SCCPDH: variants seen among roughly 807,000 people sequenced by gnomAD.
The protein encoded by SCCPDH is saccharopine dehydrogenase-like oxidoreductase.
Under a neutral mutation model 51.5 loss-of-function variants are expected in SCCPDH, and 34 were observed. The ratio of observed to expected loss-of-function variants is 0.66; its 90% CI spans 0.50 to 0.88. The LOEUF is 0.88. Among genes scored for constraint, SCCPDH ranks in the 40% least tolerant of loss-of-function variants. SCCPDH has a pLI of 0.00. For missense variants in SCCPDH, 464 were observed against 527.1 expected, an observed-to-expected ratio of 0.88 and a Z score of 1.17; for synonymous variants, 187 against 191.3, an observed-to-expected ratio of 0.98 and a Z score of 0.19.
chr1:246,743,837 G>A (rs181050129), intron 4 of SCCPDH, among the ~76,000 whole-genome samples: 51 of 152,244 alleles, frequency 3.3e-4, no homozygotes, highest in African/African-American at 1.2e-3. Context: ...CCAATCCTTA[G>A]ACCTAATAGA....
chr1:246,740,708 T>C (rs979477245), intron 4 of SCCPDH, among the ~76,000 whole-genome samples: 1 of 152,220 alleles, frequency 6.6e-6, no homozygotes, highest in Admixed American at 6.5e-5. Flanking sequence ...GAGACACTTA[T>C]TTAAGAATGG....
chr1:246,746,593 CACTT>C (rs879694157), intron 5 of SCCPDH, among the ~76,000 whole-genome samples: 8 of 152,170 alleles, frequency 5.3e-5, no homozygotes, highest in Non-Finnish European at 1.2e-4. Flanking sequence ...GTAATCCCAG[CACTT>C]TGGGAGGCTG....
rs1323553311 is a variant in SCCPDH at position 246,758,376 on chromosome 1, A to G, written c.695+20A>G. 2.9e-5 allele frequency: 45 copies of G among 1,575,068 alleles called. No homozygotes were observed. Among genetic ancestry groups the G allele is most frequent in the Non-Finnish European group, 3.8e-5 (44 of 1,155,636 alleles). On this transcript the variant is annotated intron_variant, in intron 6 of 11. Transcript: ENST00000366510. ...GAGAAGGTAAATTAACTTAAAATCC[A>G]TTTTTTATATATCTAGTCTAAGTAT...
At chr1:246,730,012 C>G (rs1668468706) in intron 2 of SCCPDH, among the ~76,000 whole-genome samples, 1 of 152,124 alleles carries the variant, frequency 6.6e-6, no homozygotes, top group Non-Finnish European at 1.5e-5. Flanking sequence ...TTTCAATCAG[C>G]ATTTAAATAT....
At chr1:246,732,018 C>T (rs1005418971) in intron 2 of SCCPDH, among the ~76,000 whole-genome samples, 5 of 152,138 alleles carry the variant, frequency 3.3e-5, no homozygotes, top group African/African-American at 1.2e-4. Flanking sequence ...CCAGCTTCAT[C>T]CATGTCCCTG....
chr1:246,730,769 A>G (rs1668480211), intron 2 of SCCPDH, among the ~76,000 whole-genome samples: 1 of 152,186 alleles, frequency 6.6e-6, no homozygotes, highest in African/African-American at 2.4e-5. Flanking sequence ...AGAAGATGGA[A>G]CTTTGAGGGC....
In SCCPDH at chr1:246,724,414, G is replaced by C. The variant is rs376962041; in HGVS notation, c.-9G>C. 3.9e-6 allele frequency: 6 copies of C among 1,557,734 alleles called. No homozygotes were observed. In the African/African-American group the frequency reaches 8.5e-5, roughly 22 times the overall value. On this transcript the variant is annotated 5_prime_UTR_variant, in exon 1 of 12. Transcript: ENST00000366510. ...CCGCCCCGGGGCCTGGGCTCGCTGT[G>C]GACTCGTCATGGCGACCGAGCAGAG...
intron 4 of SCCPDH, 100 bp from the exon 5 acceptor site, chr1:246,743,976 A>G: frequency 1.5e-6 from 1 of 685,894 alleles, no homozygotes; most frequent in Non-Finnish European, 2.5e-6. Context: ...AGGCTTAGAA[A>G]AGCTAGTCCC....
At chr1:246,735,920 A>G (rs2102982014) in intron 2 of SCCPDH, 55 bp from the exon 3 acceptor site, 1 of 1,127,012 alleles carries the variant, frequency 8.9e-7, no homozygotes, top group South Asian at 1.3e-5. Flanking sequence ...ATGGCATTTT[A>G]TTCATTTAAA....
intron 5 of SCCPDH, among the ~76,000 whole-genome samples, chr1:246,753,186 G>A (rs566969847): frequency 2.0e-4 from 30 of 151,964 alleles, no homozygotes; most frequent in African/African-American, 6.8e-4. Flanking sequence ...CTGGAGAGTG[G>A]GGGTCTAGGT....
At chr1:246,751,599 A>G (rs1194686504) in intron 5 of SCCPDH, among the ~76,000 whole-genome samples, 3 of 152,178 alleles carry the variant, frequency 2.0e-5, no homozygotes, top group Non-Finnish European at 2.9e-5. Flanking sequence ...TTACTTTTCA[A>G]TTATATGACA....
chr1:246,728,534 C>T (rs544452903), intron 2 of SCCPDH, among the ~76,000 whole-genome samples: 26 of 152,316 alleles, frequency 1.7e-4, no homozygotes, highest in African/African-American at 5.5e-4. Flanking sequence ...TGTTTACAAA[C>T]GTTGTGTGGT....
intron 10 of SCCPDH, among the ~76,000 whole-genome samples, chr1:246,765,673 G>A (rs2102991956): frequency 6.6e-6 from 1 of 152,268 alleles, no homozygotes; most frequent in African/African-American, 2.4e-5. Flanking sequence ...AGGATCATTG[G>A]CTTCAATGAT....
chr1:246,724,931 C>T (rs894306751), intron 1 of SCCPDH, among the ~76,000 whole-genome samples: 1 of 152,136 alleles, frequency 6.6e-6, no homozygotes, highest in Non-Finnish European at 1.5e-5. Flanking sequence ...TGAGTTGTCC[C>T]TCTCTCTGCT....
chr1:246,761,374 C>T (rs1002159893), intron 9 of SCCPDH, among the ~76,000 whole-genome samples: 3 of 152,190 alleles, frequency 2.0e-5, no homozygotes, highest in South Asian at 2.1e-4. Flanking sequence ...TGCGCCCGGC[C>T]TCTTTTTTCT....
chr1:246,743,581 CA>C (rs530930261), intron 4 of SCCPDH, among the ~76,000 whole-genome samples: 110 of 135,546 alleles, frequency 8.1e-4, no homozygotes, highest in Non-Finnish European at 6.9e-4. Flanking sequence ...GACTCTGTCT[CA>C]AAAAAAAAAA....
intron 10 of SCCPDH, among the ~76,000 whole-genome samples, chr1:246,765,328 GTCC>G (rs1241769559): frequency 6.6e-6 from 1 of 152,190 alleles, no homozygotes; most frequent in African/African-American, 2.4e-5. Flanking sequence ...GGCTCAAGCA[GTCC>G]TCCTGCCTCA....
intron 9 of SCCPDH, among the ~76,000 whole-genome samples, chr1:246,762,878 C>CT (rs200448673): frequency 0.024 from 3,550 of 147,852 alleles, 61 homozygotes; most frequent in Non-Finnish European, 0.036. Flanking sequence ...ACCTAGGAAG[C>CT]TTTTTTCACT....
Position 246,767,745 on chromosome 1 carries a change from A to G in SCCPDH, c.*445A>G, listed in dbSNP as rs1669110180. ...TTGAGCCTTTGCTAAATTAAACTGC[A>G]CTTTTTGCTATTTTTGCCTAGTTTT... is the stretch of plus-strand genomic sequence containing the variant. On this transcript the variant is annotated 3_prime_UTR_variant, in exon 12 of 12. Coordinates refer to ENST00000366510, the MANE Select transcript of SCCPDH (RefSeq NM_016002.3). The G allele has an allele frequency of 6.6e-6, 1 of 152,230 alleles. No homozygotes were observed. Among genetic ancestry groups the G allele is most frequent in the Non-Finnish European group, 1.5e-5 (1 of 68,100 alleles). The allele number at this position is 152,230 out of a possible 1,614,324, so 9.4% of individuals were successfully genotyped here.
Sources: allele counts gnomAD v4.1 joint callset (sites outside exome capture counted in the v4.1 genomes callset), GRCh38; gene constraint gnomAD v4.1.1; transcripts MANE v1.5; gene names NCBI Gene and HGNC (gene_info 2026-07-23, HGNC 2026-07-21).